Variants in TUSC3 observed in about 807,000 individuals in gnomAD.
TUSC3 encodes the protein tumor suppressor candidate 3, also known as dolichyl-diphosphooligosaccharide--protein glycosyltransferase subunit TUSC3.
In TUSC3, 45 loss-of-function variants were observed where a neutral mutation model predicts 44.8. That is an observed-to-expected ratio of 1.00 (90% CI 0.79 to 1.29). TUSC3 has a LOEUF of 1.29. Among genes scored for constraint, TUSC3 ranks in the 50% most tolerant of loss-of-function variants. The pLI is 0.00. For synonymous variants in TUSC3, 212 were observed against 152.9 expected, an observed-to-expected ratio of 1.39 and a Z score of -2.85; for missense variants, 519 against 437.9, an observed-to-expected ratio of 1.19 and a Z score of -1.65.
chr8:15,515,406 G>T (rs946575016), intron 2 of TUSC3, among the ~76,000 whole-genome samples: 2 of 152,094 alleles, frequency 1.3e-5, no homozygotes, highest in African/African-American at 2.4e-5. Flanking sequence ...AAGATTCCCT[G>T]ATAATCTAGC....
chr8:15,653,879 T>C (rs1188541603), intron 3 of TUSC3, among the ~76,000 whole-genome samples: 1 of 152,216 alleles, frequency 6.6e-6, no homozygotes, highest in Non-Finnish European at 1.5e-5. Flanking sequence ...ATAATATTAA[T>C]AACAAGTGCA....
At chr8:15,805,168 C>G in the TUSC3 span, among the ~76,000 whole-genome samples, 4 of 151,964 alleles carry the variant, frequency 2.6e-5, no homozygotes, top group African/African-American at 9.7e-5. Context: ...TACTGATTTT[C>G]GTACAAAGAT....
At chr8:15,697,676 G>T (rs368651283) in intron 6 of TUSC3, among the ~76,000 whole-genome samples, 1 of 152,112 alleles carries the variant, frequency 6.6e-6, no homozygotes, top group Admixed American at 6.5e-5. Flanking sequence ...GACCTAATGG[G>T]TTATGTACAT....
At chr8:15,851,394 CGAT>C in the TUSC3 span, among the ~76,000 whole-genome samples, 3 of 152,044 alleles carry the variant, frequency 2.0e-5, no homozygotes, top group Non-Finnish European at 2.9e-5. Context: ...TATAACGATG[CGAT>C]GATAACAAAT....
At chr8:15,597,496 T>C (rs1199433795) in intron 1 of TUSC3, among the ~76,000 whole-genome samples, 1 of 152,176 alleles carries the variant, frequency 6.6e-6, no homozygotes, top group Non-Finnish European at 1.5e-5. Flanking sequence ...TTATTGCCTT[T>C]GGCACAGTGA....
intron 1 of TUSC3, among the ~76,000 whole-genome samples, chr8:15,541,631 T>C (rs2129132930): frequency 6.6e-6 from 1 of 152,326 alleles, no homozygotes; most frequent in South Asian, 2.1e-4. Flanking sequence ...TGTACCTCTC[T>C]TCAGCTTTTA....
downstream of TUSC3, among the ~76,000 whole-genome samples, chr8:15,767,092 G>A (rs1395064600): frequency 6.6e-6 from 1 of 152,038 alleles, no homozygotes; most frequent in East Asian, 1.9e-4. Context: ...CTAATAGTAG[G>A]AAAAGGATGA....
chr8:15,630,897 G>A (rs545191156), intron 2 of TUSC3, among the ~76,000 whole-genome samples: 2 of 152,240 alleles, frequency 1.3e-5, no homozygotes, highest in South Asian at 4.1e-4. Flanking sequence ...TGGGTTTAGA[G>A]TGTGAAATTA....
At chr8:15,694,504 C>T (rs1809070818) in intron 6 of TUSC3, among the ~76,000 whole-genome samples, 1 of 150,020 alleles carries the variant, frequency 6.7e-6, no homozygotes, top group African/African-American at 2.5e-5. Flanking sequence ...TAAGAAGACA[C>T]TCTGGCTTTT....
intron 1 of TUSC3, among the ~76,000 whole-genome samples, chr8:15,607,512 C>T (rs1804581382): frequency 6.6e-6 from 1 of 152,196 alleles, no homozygotes; most frequent in Non-Finnish European, 1.5e-5. Context: ...TCACCACCTA[C>T]AAACAATTGT....
chr8:15,844,374 A>C, the TUSC3 span, among the ~76,000 whole-genome samples: 89,414 of 151,940 alleles, frequency 0.59, 29,010 homozygotes, highest in Non-Finnish European at 0.72. Context: ...AGCCTCAGTG[A>C]TTAATAAGCT....
At chr8:15,650,279 C>T (rs1806832174) in intron 2 of TUSC3, among the ~76,000 whole-genome samples, 1 of 152,104 alleles carries the variant, frequency 6.6e-6, no homozygotes, top group South Asian at 2.1e-4. Context: ...TTGGTCTTTG[C>T]ATTTTACTAA....
At chr8:15,744,646 T>G (rs1265687153) in intron 8 of TUSC3, among the ~76,000 whole-genome samples, 1 of 152,132 alleles carries the variant, frequency 6.6e-6, no homozygotes, top group Non-Finnish European at 1.5e-5. Context: ...TAATACACAG[T>G]TTAGACTGCC....
chr8:15,771,620 A>T (rs1433630750), downstream of TUSC3, among the ~76,000 whole-genome samples: 2 of 152,310 alleles, frequency 1.3e-5, no homozygotes, highest in South Asian at 2.1e-4. Flanking sequence ...AAAACTAACA[A>T]ATATGTGGAA....
chr8:15,591,085 A>G (rs1426893325), intron 1 of TUSC3, among the ~76,000 whole-genome samples: 1 of 152,158 alleles, frequency 6.6e-6, no homozygotes, highest in Non-Finnish European at 1.5e-5. Flanking sequence ...GGAGGTGGTG[A>G]ACAAATGGTA....
chr8:15,455,447 ACC>A (rs1800242843), intron 1 of TUSC3, among the ~76,000 whole-genome samples: 5 of 43,820 alleles, frequency 1.1e-4, no homozygotes, highest in Non-Finnish European at 2.2e-4. Flanking sequence ...ATGTATACAC[ACC>A]TATGTATACA....
intron 1 of TUSC3, among the ~76,000 whole-genome samples, chr8:15,596,068 C>G (rs950344007): frequency 6.6e-6 from 1 of 152,206 alleles, no homozygotes; most frequent in Non-Finnish European, 1.5e-5. Context: ...TCTAGTCTCT[C>G]ATCTAAAGTG....
chr8:15,549,315 A>C (rs567931394), intron 1 of TUSC3, among the ~76,000 whole-genome samples: 1 of 151,612 alleles, frequency 6.6e-6, no homozygotes, highest in Non-Finnish European at 1.5e-5. Context: ...CTGGGATTAC[A>C]GGCGCACGCC....
At position 15,540,464 on chromosome 8, in the gene TUSC3, C is replaced by G; in HGVS notation, c.34C>G (p.Gln12Glu). 1 of 1,605,830 alleles carries G rather than the reference C, an allele frequency of 6.2e-7. No individual in the cohort carries two copies. Among genetic ancestry groups the G allele is most frequent in the Non-Finnish European group, 8.5e-7 (1 of 1,177,070 alleles). Residue 12 changes from glutamine to glutamate, a missense_variant, in exon 1 of 11, where the codon CAA becomes GAA. By Grantham distance (29) the Gln-to-Glu change is conservative. Transcript: ENST00000503731. Reference sequence around the variant, plus strand: ...CCGGGGCGCTCCTTCACGCCGTAGGCAAGCGGGGCGGCGGCTGCGGTACCT... The same window carrying G: ...CCGGGGCGCTCCTTCACGCCGTAGGGAAGCGGGGCGGCGGCTGCGGTACCT... ...GARGAPSRRR[Q>E]AGRRLRYLPT...
Sources: gnomAD v4.1 joint callset for allele counts (sites outside exome capture counted in the v4.1 genomes callset) on GRCh38, gnomAD v4.1.1 for gene constraint, MANE v1.5 for transcripts, NCBI Gene and HGNC (gene_info 2026-07-23, HGNC 2026-07-21) for gene names.